MAP2K2: variants seen among roughly 807,000 people sequenced by gnomAD.
MAP2K2 encodes the protein dual specificity mitogen-activated protein kinase kinase 2.
In MAP2K2, 24 loss-of-function variants were observed where a neutral mutation model predicts 43.7. The ratio of observed to expected loss-of-function variants is 0.55; its 90% confidence interval spans 0.40 to 0.77. MAP2K2 has a LOEUF of 0.77. MAP2K2 is among the 30% of genes least tolerant of loss of function. The probability of loss-of-function intolerance (pLI) is 0.00; values close to 1 mark genes in which losing one functional copy is unlikely to be tolerated. For missense variants in MAP2K2, 470 were observed against 566.8 expected, an observed-to-expected ratio of 0.83 and a Z score of 1.73; for synonymous variants, 244 against 239.7, an observed-to-expected ratio of 1.02 and a Z score of -0.17.
At chr19:4,091,810 A>C (rs1256025399) in intron 10 of MAP2K2, among the ~76,000 whole-genome samples, 1 of 151,976 alleles carries the variant, frequency 6.6e-6, no homozygotes, top group Non-Finnish European at 1.5e-5. Flanking sequence ...TACCATGCCC[A>C]GCTAATTTTT....
intron 3 of MAP2K2, among the ~76,000 whole-genome samples, chr19:4,109,550 C>T (rs897301148): frequency 6.6e-6 from 1 of 152,192 alleles, no homozygotes; most frequent in Admixed American, 6.5e-5. Flanking sequence ...GTGATCTTCC[C>T]ACCTCAGCCT....
At chr19:4,109,881 A>G (rs538617337) in intron 3 of MAP2K2, among the ~76,000 whole-genome samples, 2 of 152,322 alleles carry the variant, frequency 1.3e-5, no homozygotes, top group Non-Finnish European at 2.9e-5. Flanking sequence ...TATTTGAGAT[A>G]GGGCAGAGAC....
At chr19:4,102,947 C>A (rs528804091) in intron 3 of MAP2K2, 632 of 1,102,328 alleles carry the variant, frequency 5.7e-4, no homozygotes, top group Non-Finnish European at 6.6e-4. Flanking sequence ...TGCTGCCCCG[C>A]GTGGGAGGAG....
At chr19:4,109,905 C>T (rs1215585700) in intron 3 of MAP2K2, among the ~76,000 whole-genome samples, 1 of 152,134 alleles carries the variant, frequency 6.6e-6, no homozygotes, top group Non-Finnish European at 1.5e-5. Context: ...AAACAACCTA[C>T]GTACCCCCCA....
At position 4,115,847 on chromosome 19, in the gene MAP2K2, C is replaced by T. The variant is rs558563907; in HGVS notation, c.303+1572G>A. ...CAGCGTTCTAGGTCTGAAAGAACAC[C>T]GGTGAGGAGCTGAACACCCTGTCAA... On this transcript the variant is annotated intron_variant, in intron 2 of 10. Coordinates refer to ENST00000262948, the MANE Select transcript of MAP2K2 (RefSeq NM_030662.4). The surrounding 1 kb of genome is among the most constrained non-coding windows in gnomAD (Gnocchi z 4.1). 1.3e-4 allele frequency among the ~76,000 whole-genome samples: 20 copies of T among 152,246 alleles called. No homozygotes were observed. Among genetic ancestry groups the T allele is most frequent in the African/African-American group, 4.3e-4 (18 of 41,528 alleles).
At chr19:4,120,828 C>T (rs987728921) in intron 1 of MAP2K2, among the ~76,000 whole-genome samples, 1 of 152,140 alleles carries the variant, frequency 6.6e-6, no homozygotes, top group East Asian at 1.9e-4. Flanking sequence ...AAACCCCACA[C>T]GGAAGAGAAA....
chr19:4,122,553 C>T (rs973906764), intron 1 of MAP2K2, among the ~76,000 whole-genome samples: 4 of 142,378 alleles, frequency 2.8e-5, no homozygotes, highest in Non-Finnish European at 6.2e-5. Context: ...AGGCCCCCAC[C>T]GACACATCCT....
At chr19:4,122,072 C>T (rs1191420257) in intron 1 of MAP2K2, among the ~76,000 whole-genome samples, 1 of 144,160 alleles carries the variant, frequency 6.9e-6, no homozygotes, top group Non-Finnish European at 1.5e-5. Context: ...GGACTCATTC[C>T]CCAAAAGGAC....
At chr19:4,102,723 C>T in intron 3 of MAP2K2, 1 of 1,279,312 alleles carries the variant, frequency 7.8e-7, no homozygotes, top group Non-Finnish European at 1.0e-6. Flanking sequence ...CTCGGCCCTC[C>T]TGAGGTCGCC....
chr19:4,096,203 C>T (rs1439645672), intron 8 of MAP2K2, among the ~76,000 whole-genome samples: 1 of 152,138 alleles, frequency 6.6e-6, no homozygotes, highest in African/African-American at 2.4e-5. Flanking sequence ...GGGGCAGGGG[C>T]GGGAAGAGGC....
Position 4,101,126 on chromosome 19 carries a change from T to C in MAP2K2, c.598A>G (p.Ile200Val), listed in dbSNP as rs766426118. ...IMHRDVKPSN[I>V]LVNSRGEIKL... is the part of the protein sequence containing the mutation. ...ATCTCCCCTCTAGAGTTCACGAGGA[T>C]GTTGGAGGGCTTCACATCTGGAGGC... Residue 200 changes from isoleucine (I) to valine (V), a missense_variant, in exon 6 of 11, where the codon ATC becomes GTC. By Grantham distance (29) the Ile-to-Val change is conservative. This residue lies in a region of MAP2K2 where 200 missense variants were observed against 297.9 expected (regional missense o/e 0.67). Transcript: ENST00000262948. This position sits in a 1 kb window ranked among gnomAD's most constrained non-coding sequence, Gnocchi z 6.3. The C allele has an allele frequency of 1.2e-6, 2 of 1,608,644 alleles. No individual in the cohort carries two copies. The highest frequency in any genetic ancestry group is 1.7e-6 in the Non-Finnish European group (2 of 1,177,742).
At position 4,097,345 on chromosome 19, in the gene MAP2K2, T is replaced by C; in HGVS notation, c.920-2A>G. The C allele has an allele frequency of 1.2e-6, 2 of 1,611,558 alleles. No individual in the cohort carries two copies. The highest frequency in any genetic ancestry group is 1.7e-6 in the Non-Finnish European group (2 of 1,178,624). Reference sequence around the variant, plus strand: ...CAGGCCGGCTATCCATCCCGTGACCTGCACAGGGAGAGAGATGGAGGTGAG... The same window carrying C: ...CAGGCCGGCTATCCATCCCGTGACCCGCACAGGGAGAGAGATGGAGGTGAG... On this transcript the variant is annotated splice_acceptor_variant, in intron 7 of 10. Transcript: ENST00000262948. LOFTEE classifies it high-confidence loss of function.
rs2040844282 is a variant in MAP2K2 at position 4,090,485 on chromosome 19, G to A, written c.*113C>T. ...TCGCCCCGCCACGGTGCTCTCCGCA[G>A]GGGTGAGGCAGGAGGGTGGGTGGAG... On this transcript the variant is annotated 3_prime_UTR_variant, in exon 11 of 11. Coordinates refer to ENST00000262948, the MANE Select transcript of MAP2K2 (RefSeq NM_030662.4). 1 of 908,326 alleles carries A rather than the reference G, an allele frequency of 1.1e-6. No individual in the cohort carries two copies. The highest frequency in any genetic ancestry group is 1.8e-6 in the Non-Finnish European group (1 of 567,302). 56.3% of individuals were successfully genotyped at this position (908,326 alleles called of 1,614,324 possible).
chr19:4,116,422 C>T (rs555657837), intron 2 of MAP2K2, among the ~76,000 whole-genome samples: 9 of 152,154 alleles, frequency 5.9e-5, no homozygotes, highest in African/African-American at 1.7e-4. Flanking sequence ...CCCAGCTACT[C>T]GGGAGGCTGA....
chr19:4,090,775 C>T, intron 10 of MAP2K2, 67 bp from the exon 11 acceptor site: 6 of 1,044,420 alleles, frequency 5.7e-6, no homozygotes, highest in Non-Finnish European at 8.8e-6. Flanking sequence ...GGGCCAGCGT[C>T]TGCCCAGCCC....
chr19:4,092,939 T>G (rs1322218879), intron 10 of MAP2K2, among the ~76,000 whole-genome samples: 1 of 152,148 alleles, frequency 6.6e-6, no homozygotes, highest in African/African-American at 2.4e-5. Context: ...TCGGGCACGG[T>G]GGCTCACGCC....
chr19:4,103,085 G>A (rs2041038249), intron 3 of MAP2K2: 31 of 1,016,136 alleles, frequency 3.1e-5, no homozygotes, highest in Non-Finnish European at 3.7e-5. Context: ...GGCCGAGTAG[G>A]ACCAGGGGCC....
intron 3 of MAP2K2, among the ~76,000 whole-genome samples, chr19:4,107,320 C>T (rs996846888): frequency 6.6e-6 from 1 of 151,896 alleles, no homozygotes; most frequent in African/African-American, 2.4e-5. Context: ...GTCAGGAGAT[C>T]GAGACCATCC....
rs10681431 is a variant in MAP2K2, at chr19:4,097,205, T to TAAAAAAAAAA, written c.984+64_984+73dup. ...GCTCTGGTCAGAGAGAGACTCTGCCTAAAAAAAAAAAAAAAAAAAAAAAGA... is the reference window on the plus strand; with the variant it reads ...GCTCTGGTCAGAGAGAGACTCTGCCTAAAAAAAAAAAAAAAAAAAAAAAAAAAAAAAAAGA... On this transcript the variant is annotated intron_variant, in intron 8 of 10. Coordinates refer to ENST00000262948, the MANE Select transcript of MAP2K2 (RefSeq NM_030662.4). 1.6e-5 allele frequency: 9 copies of TAAAAAAAAAA among 572,862 alleles called. No homozygotes were observed. In the African/African-American group the frequency reaches 1.8e-4, roughly 11 times the overall value. The allele number at this position is 572,862 out of a possible 1,614,324, so 35.5% of individuals were successfully genotyped here. A position where few individuals can be genotyped will look rare whatever the true frequency, so the allele number is the denominator to read the frequency against.
Sources: allele counts gnomAD v4.1 joint callset (sites outside exome capture counted in the v4.1 genomes callset), GRCh38; gene constraint gnomAD v4.1.1; regional missense constraint gnomAD v4.1.1; non-coding constraint Gnocchi (gnomAD v3.1); transcripts MANE v1.5; gene names NCBI Gene and HGNC (gene_info 2026-07-23, HGNC 2026-07-21).